The following NXPE2 variants were observed in gnomAD, a reference collection of about 807,000 sequenced individuals.
NXPE2 encodes the protein neurexophilin and PC-esterase domain family member 2, also known as NXPE family member 2.
Under a neutral mutation model 34.4 loss-of-function variants are expected in NXPE2, and 34 were observed. That is an observed-to-expected ratio of 0.99 (90% CI 0.75 to 1.31). The LOEUF (loss-of-function observed/expected upper bound fraction) is 1.31. Among genes scored for constraint, NXPE2 ranks in the 40% most tolerant of loss-of-function variants. NXPE2 has a pLI of 0.00. For synonymous variants in NXPE2, 235 were observed against 231.3 expected, an observed-to-expected ratio of 1.02 and a Z score of -0.15; for missense variants, 649 against 672.5, an observed-to-expected ratio of 0.97 and a Z score of 0.39.
chr11:114,807,238 T>G, the NXPE2 span, among the ~76,000 whole-genome samples: 2 of 151,944 alleles, frequency 1.3e-5, no homozygotes, highest in African/African-American at 4.8e-5. Flanking sequence ...TGCAAAAACA[T>G]GCCAAACTGT....
chr11:114,551,703 A>C, the NXPE2 span, among the ~76,000 whole-genome samples: 1 of 152,142 alleles, frequency 6.6e-6, no homozygotes, highest in Admixed American at 6.5e-5. Context: ...CTGAATGCCA[A>C]GTCTGAAATT....
At chr11:114,636,249 G>A in the NXPE2 span, among the ~76,000 whole-genome samples, 61 of 152,102 alleles carry the variant, frequency 4.0e-4, no homozygotes, top group South Asian at 8.3e-4. Context: ...GTTTATTTGC[G>A]TAGAGGTGTT....
At chr11:114,803,442 C>T in the NXPE2 span, among the ~76,000 whole-genome samples, 1 of 152,198 alleles carries the variant, frequency 6.6e-6, no homozygotes, top group Non-Finnish European at 1.5e-5. Context: ...ATTTATTTCT[C>T]ACAGTTCTGG....
chr11:114,633,105 T>A, the NXPE2 span, among the ~76,000 whole-genome samples: 1 of 122,024 alleles, frequency 8.2e-6, no homozygotes, highest in African/African-American at 3.3e-5. Context: ...TTATATATTT[T>A]ACATTATATT....
the NXPE2 span, among the ~76,000 whole-genome samples, chr11:114,467,039 C>G: frequency 6.6e-6 from 1 of 152,116 alleles, no homozygotes; most frequent in Admixed American, 6.5e-5. Flanking sequence ...AGTAGTGATC[C>G]TAAATTTAAG....
chr11:114,665,691 T>G, the NXPE2 span, among the ~76,000 whole-genome samples: 4 of 152,140 alleles, frequency 2.6e-5, no homozygotes, highest in African/African-American at 7.2e-5. Flanking sequence ...TGGAGTCAGT[T>G]AGAAAGACAG....
the NXPE2 span, among the ~76,000 whole-genome samples, chr11:114,610,306 T>A: frequency 6.6e-6 from 1 of 151,600 alleles, no homozygotes; most frequent in African/African-American, 2.4e-5. Context: ...GCCTAGTGTG[T>A]AACCACTGTT....
At chr11:114,592,495 T>C in the NXPE2 span, among the ~76,000 whole-genome samples, 527 of 151,648 alleles carry the variant, frequency 3.5e-3, 16 homozygotes, top group Admixed American at 0.032. Context: ...CTACAAAACA[T>C]TGATGCAAGA....
intron 3 of NXPE2, among the ~76,000 whole-genome samples, chr11:114,702,848 C>T (rs1238660823): frequency 6.6e-6 from 1 of 152,126 alleles, no homozygotes; most frequent in African/African-American, 2.4e-5. Flanking sequence ...ATATTATCCT[C>T]ACTTGACCCA....
the NXPE2 span, among the ~76,000 whole-genome samples, chr11:114,798,375 CTTTCT>C: frequency 1.3e-5 from 2 of 151,956 alleles, no homozygotes; most frequent in African/African-American, 4.8e-5. Flanking sequence ...CCCTCTGTTT[CTTTCT>C]TTTCTCCCTT....
At chr11:114,574,000 A>T in the NXPE2 span, among the ~76,000 whole-genome samples, 1 of 152,232 alleles carries the variant, frequency 6.6e-6, no homozygotes, top group South Asian at 2.1e-4. Context: ...AATCAAAATT[A>T]TATCAAGTAC....
chr11:114,651,427 T>C, the NXPE2 span, among the ~76,000 whole-genome samples: 1 of 152,094 alleles, frequency 6.6e-6, no homozygotes, highest in Non-Finnish European at 1.5e-5. Context: ...ACGTTTGCGG[T>C]GAGTGTTACA....
the NXPE2 span, among the ~76,000 whole-genome samples, chr11:114,746,851 A>G: frequency 6.7e-6 from 1 of 149,786 alleles, no homozygotes; most frequent in South Asian, 2.1e-4. Flanking sequence ...ACTCCCTCTC[A>G]AAAACAAACA....
At chr11:114,469,109 CTTTTTTTTTT>C in the NXPE2 span, among the ~76,000 whole-genome samples, 6 of 88,864 alleles carry the variant, frequency 6.8e-5, no homozygotes, top group Admixed American at 4.5e-4. Context: ...ACAGTGCTAG[CTTTTTTTTTT>C]TTTTTTTTTT....
At chr11:114,504,330 G>A in the NXPE2 span, among the ~76,000 whole-genome samples, 407 of 152,192 alleles carry the variant, frequency 2.7e-3, 3 homozygotes, top group African/African-American at 8.6e-3. Flanking sequence ...GATCACTCCT[G>A]CTTATGGGGC....
At chr11:114,587,244 GA>G in the NXPE2 span, among the ~76,000 whole-genome samples, 17 of 152,128 alleles carry the variant, frequency 1.1e-4, no homozygotes, top group Admixed American at 5.2e-4. Flanking sequence ...CCATCAGCAG[GA>G]AAACAACCAT....
intron 3 of NXPE2, among the ~76,000 whole-genome samples, chr11:114,699,644 T>TGAA (rs1254573084): frequency 1.3e-5 from 2 of 151,772 alleles, no homozygotes; most frequent in East Asian, 3.9e-4. Context: ...TCTCCCTGAG[T>TGAA]GAAGTTCTAG....
the NXPE2 span, among the ~76,000 whole-genome samples, chr11:114,638,905 G>A: frequency 9.8e-6 from 1 of 102,090 alleles, no homozygotes; most frequent in African/African-American, 4.8e-5. Context: ...AGGCTGCTTG[G>A]GGGTCAGGGG....
chr11:114,512,175 C>G, the NXPE2 span, among the ~76,000 whole-genome samples: 1 of 152,138 alleles, frequency 6.6e-6, no homozygotes, highest in East Asian at 1.9e-4. Flanking sequence ...CAATAAAATA[C>G]AAGTTAATAA....
Sources: allele counts gnomAD v4.1 joint callset (sites outside exome capture counted in the v4.1 genomes callset), GRCh38; gene constraint gnomAD v4.1.1; transcripts MANE v1.5; gene names NCBI Gene and HGNC (gene_info 2026-07-23, HGNC 2026-07-21).